MUC17: variants seen among roughly 807,000 people sequenced by gnomAD.
MUC17 encodes the protein mucin 17, cell surface associated.
MUC17 carries 190 observed loss-of-function variants against 170.3 expected under a neutral mutation model. That is an observed-to-expected ratio of 1.12 (90% CI 0.99 to 1.26). The LOEUF is 1.26. MUC17 is among the 50% of genes most tolerant of loss of function. The pLI, the probability that MUC17 is intolerant of heterozygous loss-of-function variation, is 0.00. For synonymous variants in MUC17, 2,325 were observed against 2,002.5 expected (o/e 1.16, Z -4.30); for missense variants, 6,415 against 5,530.0 (o/e 1.16, Z -5.08).
chr7:101,046,619 A>T (rs547728050), intron 3 of MUC17, among the ~76,000 whole-genome samples: 6 of 152,160 alleles, frequency 3.9e-5, no homozygotes, highest in South Asian at 2.1e-4. Context: ...CTACAGAAAA[A>T]TTTTAAAAAT....
chr7:101,040,012 G>A lies in MUC17; in HGVS notation c.8596G>A (p.Glu2866Lys), dbSNP rs756067161. The A allele has an allele frequency of 1.9e-6, 3 of 1,612,994 alleles. 1 individual carries two copies. In the Admixed American group the frequency reaches 5.0e-5, roughly 27 times the overall value. The change falls in exon 3 of 13, where the codon GAA becomes AAA. Residue 2866 changes from glutamate to lysine, a missense_variant. Coordinates refer to ENST00000306151, the MANE Select transcript of MUC17 (RefSeq NM_001040105.2). The part of the protein sequence containing the change: ...GIVVPISTAS[E>K]GSTLLTSIPV... ...CGTCGTGCCAATCTCAACTGCTAGTGAAGGAAGTACTCTATTAACAAGTAT... is the reference window on the plus strand; with the variant it reads ...CGTCGTGCCAATCTCAACTGCTAGTAAAGGAAGTACTCTATTAACAAGTAT...
rs1243797581 is a variant in MUC17 at position 101,039,643 on chromosome 7, A to G, written c.8227A>G (p.Ile2743Val). 1.9e-6 allele frequency: 3 copies of G among 1,611,278 alleles called. No individual in the cohort carries two copies. The African/African-American group carries it at 4.0e-5, about 22-fold the overall frequency. Residue 2743 changes from isoleucine to valine, a missense_variant, in exon 3 of 13, where the codon ATC (isoleucine) becomes GTC (valine). Coordinates refer to ENST00000306151, the MANE Select transcript of MUC17 (RefSeq NM_001040105.2). ...AACTGCTGAAGGTACCAGCATGCGA[A>G]TCTCAACTCCTAGTGATGGAAGTAC... ...PTTAEGTSMR[I>V]STPSDGSTPL...
In MUC17 at chr7:101,035,700, C is replaced by G; in HGVS notation, c.4284C>G (p.Thr1428=). The G allele has an allele frequency of 6.2e-7, 1 of 1,608,694 alleles. No homozygotes were observed. The highest frequency in any genetic ancestry group is 8.5e-7 in the Non-Finnish European group (1 of 1,177,000). The change falls in exon 3 of 13, where the codon ACC becomes ACG. Residue 1428 remains threonine, a synonymous_variant. Coordinates refer to ENST00000306151, the MANE Select transcript of MUC17 (RefSeq NM_001040105.2). ...ATPVDTSTPG[T]TSAEATSSPT... ...CTGTTGACACCAGCACCCCTGGGAC[C>G]ACTTCTGCTGAAGCCACTTCATCTC...
Position 101,035,532 on chromosome 7 carries a change from T to A in MUC17, c.4116T>A (p.Thr1372=). ...ACAGCACACCTGTGACCACTTCTACTGAAGCCTGTTCATCTCCTACAACTT... is the reference window on the plus strand; with the variant it reads ...ACAGCACACCTGTGACCACTTCTACAGAAGCCTGTTCATCTCCTACAACTT... ...VDNSTPVTTS[T]EACSSPTTSE... The change falls in exon 3 of 13, where the codon ACT becomes ACA. Residue 1372 remains threonine (T), a synonymous_variant. Transcript: ENST00000306151. The A allele has an allele frequency of 6.3e-7, 1 of 1,596,540 alleles. No individual in the cohort carries two copies. The highest frequency in any genetic ancestry group is 8.6e-7 in the Non-Finnish European group (1 of 1,169,292).
chr7:101,046,302 C>T (rs1794839344), intron 3 of MUC17, among the ~76,000 whole-genome samples: 1 of 152,152 alleles, frequency 6.6e-6, no homozygotes, highest in South Asian at 2.1e-4. Context: ...TCGTGCACTT[C>T]CCCAGACAAA....
Position 101,022,225 on chromosome 7 carries a change from G to A in MUC17, c.82+2008G>A, listed in dbSNP as rs142900463. Reference sequence around the variant, plus strand: ...TCTATCTCCCAGGCTGGAGTGCGGTGGCGCCATCTCAGCTCACTGCAACCT... The same window carrying A: ...TCTATCTCCCAGGCTGGAGTGCGGTAGCGCCATCTCAGCTCACTGCAACCT... On this transcript the variant is annotated intron_variant, in intron 1 of 12. Transcript: ENST00000306151. 9.2e-4 allele frequency among the ~76,000 whole-genome samples: 137 copies of A among 149,362 alleles called. 1 individual carries two copies. The highest frequency in any genetic ancestry group is 3.2e-3 in the African/African-American group (128 of 40,508).
rs200878062 is a variant in MUC17, at chr7:101,040,683, T to A, written c.9267T>A (p.Pro3089=). ...TSTEVSSSPT[P]AEGTSMPIST... The stretch of plus-strand genomic sequence containing the variant: ...CTGAAGTCAGTTCATCTCCTACACC[T>A]GCTGAAGGTACCAGCATGCCAATCT... Residue 3089 remains proline, a synonymous_variant, in exon 3 of 13, where the codon CCT becomes CCA. Transcript: ENST00000306151. 4.5e-5 allele frequency: 73 copies of A among 1,613,106 alleles called. No individual in the cohort carries two copies. The highest frequency in any genetic ancestry group is 5.3e-5 in the Non-Finnish European group (63 of 1,179,774).
In MUC17 at chr7:101,047,999, G is replaced by A. The variant is rs764323326; in HGVS notation, c.12419G>A (p.Cys4140Tyr). ...PRTTTCFGDG[C>Y]QNTASRCKNG... ...TGTTCCACAGGCTTTGGAGATGGGT[G>A]CCAGAATACGGCCTCTCGCTGCAAG... The change falls in exon 4 of 13, where the codon TGC becomes TAC. Residue 4140 changes from cysteine to tyrosine, a missense_variant. Cys to Tyr is a radical substitution (Grantham distance 194). Transcript: ENST00000306151. 3.1e-6 allele frequency: 5 copies of A among 1,596,980 alleles called. No homozygotes were observed. Among genetic ancestry groups the A allele is most frequent in the South Asian group, 2.3e-5 (2 of 88,040 alleles).
chr7:101,040,871 C>G lies in MUC17; in HGVS notation c.9455C>G (p.Thr3152Ser), dbSNP rs1331529970. The change falls in exon 3 of 13, where the codon ACC (threonine) becomes AGC (serine). Residue 3152 changes from threonine (T) to serine (S), a missense_variant. Thr to Ser is a moderately conservative substitution (Grantham distance 58). Coordinates refer to ENST00000306151, the MANE Select transcript of MUC17 (RefSeq NM_001040105.2). ...TCATCTCCTACAACTTCTGAAGGTACCAGCATGCCAACCTCAACTCCTAGT... is the reference window on the plus strand; with the variant it reads ...TCATCTCCTACAACTTCTGAAGGTAGCAGCATGCCAACCTCAACTCCTAGT... ...AHSSPTTSEG[T>S]SMPTSTPSEG... The G allele has an allele frequency of 6.2e-6, 10 of 1,613,666 alleles. No homozygotes were observed. In the South Asian group the frequency reaches 7.7e-5, roughly 12 times the overall value.
At chr7:101,023,139 G>C (rs1369136837) in intron 1 of MUC17, among the ~76,000 whole-genome samples, 3 of 152,090 alleles carry the variant, frequency 2.0e-5, no homozygotes, top group Admixed American at 6.5e-5. Context: ...TTCCTGGGCT[G>C]GTAGACGCTT....
chr7:101,053,314 G>A (rs780957287), intron 10 of MUC17, 25 bp from the exon 11 acceptor site: 1 of 1,607,070 alleles, frequency 6.2e-7, no homozygotes, highest in Non-Finnish European at 8.5e-7. Flanking sequence ...TCCTAATGGG[G>A]TCTCTCTGAT....
intron 1 of MUC17, among the ~76,000 whole-genome samples, chr7:101,028,770 G>A (rs1353170082): frequency 6.6e-6 from 1 of 151,842 alleles, no homozygotes; most frequent in African/African-American, 2.4e-5. Context: ...TGCCTGTAGT[G>A]CCAGCTACTC....
rs1794535132 is a variant in MUC17, at chr7:101,037,709, G to A, written c.6293G>A (p.Ser2098Asn). The change falls in exon 3 of 13, where the codon AGT (serine) becomes AAT (asparagine). Residue 2098 changes from serine (S) to asparagine (N), a missense_variant. Transcript: ENST00000306151. ...AGCAGCATGACAATCTCAGCTCCTA[G>A]TGAAGGAAGTCCTCTACTAACAAGT... Reference protein sequence around the residue: ...EGSSMTISAPSEGSPLLTSIP... With the variant: ...EGSSMTISAPNEGSPLLTSIP... 1 of 1,613,140 alleles carries A rather than the reference G, an allele frequency of 6.2e-7. No individual in the cohort carries two copies. The highest frequency in any genetic ancestry group is 8.5e-7 in the Non-Finnish European group (1 of 1,179,794).
chr7:101,024,215 C>G (rs1053849192), intron 1 of MUC17, among the ~76,000 whole-genome samples: 1 of 151,852 alleles, frequency 6.6e-6, no homozygotes, highest in Admixed American at 6.6e-5. Context: ...GCCTGGCCAA[C>G]CTGGCAAAAC....
chr7:101,050,434 G>A (rs758554860), intron 6 of MUC17, 50 bp from the exon 7 acceptor site: 2 of 1,580,598 alleles, frequency 1.3e-6, no homozygotes, highest in Admixed American at 1.8e-5. Flanking sequence ...ACAGATTCTA[G>A]AGGTAAGCAC....
chr7:101,038,098 A>T lies in MUC17; in HGVS notation c.6682A>T (p.Ser2228Cys). Residue 2228 changes from serine to cysteine, a missense_variant, in exon 3 of 13, where the codon AGC becomes TGC. Physicochemically the swap from Ser to Cys is moderately radical, Grantham distance 112 (BLOSUM62 -1). Coordinates refer to ENST00000306151, the MANE Select transcript of MUC17 (RefSeq NM_001040105.2). ...CACTCCATTCACAAGTATGCCTGTCAGCACCATGCCGGTAGTTACTTCTGA... is the reference window on the plus strand; with the variant it reads ...CACTCCATTCACAAGTATGCCTGTCTGCACCATGCCGGTAGTTACTTCTGA... Reference protein sequence around the residue: ...GSTPFTSMPVSTMPVVTSEAS... With the variant: ...GSTPFTSMPVCTMPVVTSEAS... 7.1e-7 allele frequency: 1 copy of T among 1,406,380 alleles called. No individual in the cohort carries two copies. Among genetic ancestry groups the T allele is most frequent in the Non-Finnish European group, 9.5e-7 (1 of 1,050,270 alleles). The allele number at this position is 1,406,380 out of a possible 1,614,324, so 87.1% of individuals were successfully genotyped here.
chr7:101,039,461 T>A lies in MUC17; in HGVS notation c.8045T>A (p.Met2682Lys). The change falls in exon 3 of 13, where the codon ATG becomes AAG. Residue 2682 changes from methionine to lysine, a missense_variant. By Grantham distance (95) the Met-to-Lys change is moderately conservative. Transcript: ENST00000306151. ...CCTACAACTGCTGAAGGTAGCAGCA[T>A]GCCAACCTCAACTCCTGGTGAAAGA... Reference protein sequence around the residue: ...SSPTTAEGSSMPTSTPGERST... With the variant: ...SSPTTAEGSSKPTSTPGERST... The A allele has an allele frequency of 6.2e-7, 1 of 1,611,556 alleles. No individual in the cohort carries two copies. Among genetic ancestry groups the A allele is most frequent in the South Asian group, 1.1e-5 (1 of 90,740 alleles).
Position 101,037,404 on chromosome 7 carries a change from G to T in MUC17, c.5988G>T (p.Leu1996=), listed in dbSNP as rs1439720270. ...PLTSMPLSTT[L]VVSSEASTLS... is the part of the protein sequence containing the mutation. ...CAAGTATGCCTCTCAGCACCACGCT[G>T]GTGGTCAGTTCTGAGGCTAGCACTC... Residue 1996 remains leucine, a synonymous_variant, in exon 3 of 13, where the codon CTG becomes CTT. Coordinates refer to ENST00000306151, the MANE Select transcript of MUC17 (RefSeq NM_001040105.2). The T allele has an allele frequency of 2.7e-5, 43 of 1,613,178 alleles. No individual in the cohort carries two copies. Among genetic ancestry groups the T allele is most frequent in the Non-Finnish European group, 3.6e-5 (43 of 1,179,482 alleles).
rs866065112 is a variant in MUC17, at chr7:101,035,919, T to TA, written c.4504dup (p.Thr1502AsnfsTer9). 1 of 1,612,948 alleles carries TA rather than the reference T, an allele frequency of 6.2e-7. No individual in the cohort carries two copies. Among genetic ancestry groups the TA allele is most frequent in the Non-Finnish European group, 8.5e-7 (1 of 1,179,564 alleles). On this transcript the variant is annotated frameshift_variant, in exon 3 of 13. Transcript: ENST00000306151. LOFTEE classifies it high-confidence loss of function. ...GTTCATCTCCTACACCTGCTGAAGGTACCAGCATAGCAATCTCAACGCCTA... is the reference window on the plus strand; with the variant it reads ...GTTCATCTCCTACACCTGCTGAAGGTAACCAGCATAGCAATCTCAACGCCTA...
Sources: allele counts gnomAD v4.1 joint callset (sites outside exome capture counted in the v4.1 genomes callset), GRCh38; gene constraint gnomAD v4.1.1; transcripts MANE v1.5; gene names NCBI Gene and HGNC (gene_info 2026-07-23, HGNC 2026-07-21).